Variants in SPTLC2 observed in about 807,000 individuals in gnomAD.
SPTLC2 encodes the protein serine palmitoyltransferase 2.
A neutral mutation model predicts 62.0 loss-of-function variants in SPTLC2; 21 were observed. The ratio of observed to expected loss-of-function variants is 0.34; its 90% CI spans 0.24 to 0.49. The LOEUF (loss-of-function observed/expected upper bound fraction) is 0.49, where lower values mean the gene tolerates loss of function less well. Among genes scored for constraint, SPTLC2 ranks in the 20% least tolerant of loss-of-function variants. The pLI, the probability that SPTLC2 is intolerant of heterozygous loss-of-function variation, is 0.99. For missense variants in SPTLC2, 511 were observed against 713.0 expected, an observed-to-expected ratio of 0.72 and a Z score of 3.23; for synonymous variants, 261 against 261.8, an observed-to-expected ratio of 1.00 and a Z score of 0.03.
At position 77,608,908 on chromosome 14, in the gene SPTLC2, G is replaced by C. The variant is rs929840554; in HGVS notation, c.132+7540C>G. ...ACTCCAGCCTGGGTGACAGATTGAG[G>C]CTCCATCTCAAAATAATAATAATAA... On this transcript the variant is annotated intron_variant, in intron 1 of 11. Coordinates refer to ENST00000216484, the MANE Select transcript of SPTLC2 (RefSeq NM_004863.4). Among the ~76,000 whole-genome samples the C allele has an allele frequency of 2.2e-5, 3 of 135,154 alleles. No individual in the cohort carries two copies. In the Admixed American group the frequency reaches 2.5e-4, roughly 11 times the overall value. The allele number at this position is 135,154 out of a possible 152,430, so 88.7% of individuals were successfully genotyped here.
At chr14:77,581,405 C>CTTTTTTTTTT (rs1159561282) in intron 2 of SPTLC2, among the ~76,000 whole-genome samples, 2 of 94,004 alleles carry the variant, frequency 2.1e-5, no homozygotes, top group African/African-American at 4.0e-5. Flanking sequence ...TACCATCTCT[C>CTTTTTTTTTT]TTTTTTTTTT....
At chr14:77,610,992 C>CAAAAAAAAAAAA (rs61504970) in intron 1 of SPTLC2, among the ~76,000 whole-genome samples, 1 of 106,882 alleles carries the variant, frequency 9.4e-6, no homozygotes, top group Non-Finnish European at 1.8e-5. Context: ...CCCATCTCTA[C>CAAAAAAAAAAAA]AAAAAAAAAA....
chr14:77,560,659 C>T (rs564665455), intron 6 of SPTLC2, among the ~76,000 whole-genome samples: 123 of 150,604 alleles, frequency 8.2e-4, no homozygotes, highest in South Asian at 4.2e-3. Context: ...ACATATACAC[C>T]ATGGAATACT....
chr14:77,615,384 G>A (rs533271877), intron 1 of SPTLC2, among the ~76,000 whole-genome samples: 2 of 152,270 alleles, frequency 1.3e-5, no homozygotes, highest in African/African-American at 4.8e-5. Flanking sequence ...CTACTCATCT[G>A]GGGAGTAGTT....
intron 10 of SPTLC2, among the ~76,000 whole-genome samples, chr14:77,521,165 A>G (rs188691517): frequency 1.3e-5 from 2 of 152,298 alleles, no homozygotes; most frequent in East Asian, 3.9e-4. Context: ...GTTGCCCCCT[A>G]CTAGACTGTA....
intron 5 of SPTLC2, among the ~76,000 whole-genome samples, chr14:77,569,289 A>T (rs542824850): frequency 7.2e-5 from 11 of 152,120 alleles, no homozygotes; most frequent in Admixed American, 5.2e-4. Flanking sequence ...TAGGAAACCT[A>T]CTTAATTTTA....
intron 9 of SPTLC2, among the ~76,000 whole-genome samples, chr14:77,532,858 G>A (rs1269630706): frequency 6.6e-6 from 1 of 151,638 alleles, no homozygotes; most frequent in African/African-American, 2.4e-5. Flanking sequence ...TTTTTTGGAG[G>A]GCTATGGGAC....
chr14:77,533,776 A>G (rs1357128757), intron 9 of SPTLC2, among the ~76,000 whole-genome samples: 1 of 152,176 alleles, frequency 6.6e-6, no homozygotes. Flanking sequence ...TCGATAGCAA[A>G]AGTAACAAAA....
chr14:77,515,166 G>A (rs894461306), intron 11 of SPTLC2, among the ~76,000 whole-genome samples: 2 of 152,150 alleles, frequency 1.3e-5, no homozygotes, highest in Non-Finnish European at 2.9e-5. Context: ...AATTACTGTA[G>A]CTTTGTAGTA....
intron 2 of SPTLC2, among the ~76,000 whole-genome samples, chr14:77,579,896 C>T (rs1048931680): frequency 6.6e-6 from 1 of 152,104 alleles, no homozygotes; most frequent in Non-Finnish European, 1.5e-5. Context: ...ATGTAGAGCA[C>T]AAGAATGTAA....
intron 1 of SPTLC2, among the ~76,000 whole-genome samples, chr14:77,599,365 C>T (rs545994043): frequency 2.0e-5 from 3 of 152,046 alleles, no homozygotes; most frequent in South Asian, 2.1e-4. Flanking sequence ...ATCAGAGATA[C>T]GATATAAACA....
At chr14:77,534,176 TCTCACACACA>T (rs201475269) in intron 9 of SPTLC2, among the ~76,000 whole-genome samples, 23,634 of 110,544 alleles carry the variant, frequency 0.21, 2,044 homozygotes, top group East Asian at 0.33. Context: ...TCTCTCTCTC[TCTCACACACA>T]CACACACACA....
At chr14:77,552,871 T>C (rs1210609517) in intron 8 of SPTLC2, among the ~76,000 whole-genome samples, 2 of 151,768 alleles carry the variant, frequency 1.3e-5, no homozygotes, top group African/African-American at 2.4e-5. Context: ...GGTGTTTGGA[T>C]TGCTTTTTAG....
chr14:77,556,935 T>C, intron 7 of SPTLC2, 106 bp downstream of exon 7: 2 of 868,250 alleles, frequency 2.3e-6, no homozygotes, highest in Non-Finnish European at 3.8e-6. Flanking sequence ...ATAAACACTG[T>C]CTCCTTAGTT....
chr14:77,568,074 T>C (rs1044966254), intron 5 of SPTLC2, among the ~76,000 whole-genome samples: 1 of 152,230 alleles, frequency 6.6e-6, no homozygotes, highest in Admixed American at 6.5e-5. Flanking sequence ...GGATTAGGAA[T>C]GCTCAACCTG....
intron 1 of SPTLC2, among the ~76,000 whole-genome samples, chr14:77,604,652 G>T (rs1175286571): frequency 6.6e-6 from 1 of 152,018 alleles, no homozygotes; most frequent in Non-Finnish European, 1.5e-5. Flanking sequence ...CGGATCACCT[G>T]AGGTCAGGAG....
chr14:77,567,850 G>T (rs1470217891), intron 5 of SPTLC2, among the ~76,000 whole-genome samples: 4 of 147,002 alleles, frequency 2.7e-5, no homozygotes, highest in Non-Finnish European at 3.0e-5. Context: ...TTTTTAAGAT[G>T]GAGTCTGGCT....
intron 9 of SPTLC2, among the ~76,000 whole-genome samples, chr14:77,543,105 AG>A (rs2079510217): frequency 6.6e-6 from 1 of 152,222 alleles, no homozygotes; most frequent in Non-Finnish European, 1.5e-5. Context: ...GCTGGAGTGC[AG>A]TGGCACGATC....
chr14:77,572,242 TA>T (rs55746616), intron 4 of SPTLC2, among the ~76,000 whole-genome samples: 11,933 of 152,212 alleles, frequency 0.078, 603 homozygotes, highest in Admixed American at 0.15. Context: ...CAGGGGGAAA[TA>T]AAAATGTTCT....
Sources: allele counts gnomAD v4.1 joint callset (sites outside exome capture counted in the v4.1 genomes callset), GRCh38; gene constraint gnomAD v4.1.1; transcripts MANE v1.5; gene names NCBI Gene and HGNC (gene_info 2026-07-23, HGNC 2026-07-21).